Variants in FAF1 observed in about 807,000 individuals in gnomAD.
The protein encoded by FAF1 is FAS-associated factor 1.
Under a neutral mutation model 92.5 loss-of-function variants are expected in FAF1, and 25 were observed. The ratio of observed to expected loss-of-function variants is 0.27; its 90% CI spans 0.20 to 0.38. FAF1 has a LOEUF of 0.38. Ranked by LOEUF, FAF1 falls within the 10% of genes least tolerant of loss-of-function variation. The pLI is 1.00. For missense variants in FAF1, 636 were observed against 793.3 expected (o/e 0.80, Z 2.38); for synonymous variants, 234 against 273.2 (o/e 0.86, Z 1.42).
At position 50,583,701 on chromosome 1, in the gene FAF1, C is replaced by T. The variant is rs374685901; in HGVS notation, c.982G>A (p.Glu328Lys). Residue 328 changes from glutamate to lysine, a missense_variant, in exon 11 of 19, where the codon GAA (glutamate) becomes AAA (lysine). Glu to Lys is a moderately conservative substitution (Grantham distance 56, BLOSUM62 1). Around this residue, in one of 2 missense-constraint regions of FAF1, gnomAD observed 319 missense variants for 451.0 expected, o/e 0.71. Coordinates refer to ENST00000396153, the MANE Select transcript of FAF1 (RefSeq NM_007051.3). The surrounding 1 kb of genome is among the most constrained non-coding windows in gnomAD (Gnocchi z 4.2). ...RKSPMMPENA[E>K]NEGDALLQFT... ...TGTAATAAGGCATCTCCTTCATTTT[C>T]TGCGTTTTCTGGCACTAAAAAACAA... 1.4e-5 allele frequency: 22 copies of T among 1,570,186 alleles called. No homozygotes were observed. Among genetic ancestry groups the T allele is most frequent in the Non-Finnish European group, 1.6e-5 (19 of 1,154,688 alleles).
intron 2 of FAF1, among the ~76,000 whole-genome samples, chr1:50,835,570 C>CAAAA (rs573942977): frequency 3.1e-4 from 17 of 54,850 alleles, no homozygotes; most frequent in South Asian, 1.7e-3. Flanking sequence ...GACTCCATCT[C>CAAAA]AAAAAAAAAA....
At chr1:50,661,288 AT>A (rs1169112919) in intron 7 of FAF1, among the ~76,000 whole-genome samples, 1 of 152,168 alleles carries the variant, frequency 6.6e-6, no homozygotes, top group Non-Finnish European at 1.5e-5. Context: ...TGGTTATATG[AT>A]TTTGCCAGAA....
At chr1:50,758,581 A>G (rs977512220) in intron 4 of FAF1, among the ~76,000 whole-genome samples, 2 of 152,240 alleles carry the variant, frequency 1.3e-5, no homozygotes, top group African/African-American at 4.8e-5. Context: ...AAAAATGTGT[A>G]ACCAAATATT....
chr1:50,808,383 A>C (rs1021416028), intron 2 of FAF1, among the ~76,000 whole-genome samples: 2 of 152,182 alleles, frequency 1.3e-5, no homozygotes, highest in Non-Finnish European at 2.9e-5. Flanking sequence ...TAACAACAAG[A>C]TGACAGGATA....
At chr1:50,589,832 T>C (rs575994331) in intron 9 of FAF1, among the ~76,000 whole-genome samples, 1 of 152,342 alleles carries the variant, frequency 6.6e-6, no homozygotes, top group East Asian at 1.9e-4. Flanking sequence ...AGGTCTTTCA[T>C]ATATTTTGAG....
At chr1:50,499,261 A>C (rs899036200) in intron 15 of FAF1, among the ~76,000 whole-genome samples, 4 of 152,150 alleles carry the variant, frequency 2.6e-5, no homozygotes, top group African/African-American at 9.7e-5. Flanking sequence ...CTGCCAATTC[A>C]ATGGTGAATA....
At chr1:50,856,843 A>G (rs909000723) in intron 2 of FAF1, among the ~76,000 whole-genome samples, 5 of 151,826 alleles carry the variant, frequency 3.3e-5, no homozygotes, top group African/African-American at 1.2e-4. Flanking sequence ...ATTATGTTAC[A>G]GTGACACTAT....
intron 15 of FAF1, among the ~76,000 whole-genome samples, chr1:50,506,473 C>T (rs758071255): frequency 6.6e-5 from 10 of 152,312 alleles, no homozygotes; most frequent in Middle Eastern, 6.8e-3. Context: ...TCACATTCAT[C>T]TTTCAGGCCC....
intron 2 of FAF1, among the ~76,000 whole-genome samples, chr1:50,801,920 G>A (rs1326878187): frequency 6.6e-6 from 1 of 152,022 alleles, no homozygotes. Context: ...GAGTCATAAA[G>A]TCTAGTTCCA....
chr1:50,692,253 G>C (rs1254695924), intron 7 of FAF1, among the ~76,000 whole-genome samples: 5 of 144,190 alleles, frequency 3.5e-5, no homozygotes, highest in African/African-American at 1.3e-4. Context: ...GTGTGTGTGT[G>C]TGTGTGTGTG....
intron 8 of FAF1, among the ~76,000 whole-genome samples, chr1:50,636,542 G>C (rs1213311831): frequency 6.6e-6 from 1 of 151,950 alleles, no homozygotes; most frequent in Admixed American, 6.6e-5. Flanking sequence ...TTTTAGTAGA[G>C]AGGGGATTTC....
rs150339174 is a variant in FAF1, at chr1:50,887,108, A to G, written c.46-29111T>C. On this transcript the variant is annotated intron_variant, in intron 1 of 18. Coordinates refer to ENST00000396153, the MANE Select transcript of FAF1 (RefSeq NM_007051.3). ...GAGATGGTATCTGATTGTGGTTTTG[A>G]TTTGCATTTCTCTGATGGCCAGTGA... Among the ~76,000 whole-genome samples the G allele has an allele frequency of 5.1e-3, 772 of 152,172 alleles. 6 individuals are homozygous for G. Among genetic ancestry groups the G allele is most frequent in the Non-Finnish European group, 7.5e-3 (509 of 68,002 alleles).
At chr1:50,622,274 G>A (rs1406189825) in intron 8 of FAF1, among the ~76,000 whole-genome samples, 1 of 152,054 alleles carries the variant, frequency 6.6e-6, no homozygotes, top group Non-Finnish European at 1.5e-5. Flanking sequence ...GCAAGAGTGA[G>A]CTATCCCTCA....
chr1:50,594,975 C>T (rs868837475), intron 9 of FAF1, among the ~76,000 whole-genome samples: 3 of 151,796 alleles, frequency 2.0e-5, no homozygotes, highest in South Asian at 4.1e-4. Flanking sequence ...TGCCCCTTCT[C>T]TTTGTTTCTT....
intron 1 of FAF1, among the ~76,000 whole-genome samples, chr1:50,941,565 C>T (rs1206466581): frequency 6.6e-6 from 1 of 152,120 alleles, no homozygotes; most frequent in Non-Finnish European, 1.5e-5. Context: ...CACTATACTG[C>T]CCAGGCAATA....
intron 7 of FAF1, among the ~76,000 whole-genome samples, chr1:50,659,037 A>T (rs905453965): frequency 3.3e-5 from 5 of 152,244 alleles, no homozygotes; most frequent in Non-Finnish European, 7.3e-5. Context: ...AAAAATTGAA[A>T]TCATAATCCT....
intron 18 of FAF1, among the ~76,000 whole-genome samples, chr1:50,472,368 T>C (rs1406328230): frequency 1.0e-3 from 129 of 123,904 alleles, no homozygotes; most frequent in East Asian, 1.8e-3. Context: ...GGGGAAAACA[T>C]ACACACACAC....
At chr1:50,742,840 C>G (rs80299389) in intron 5 of FAF1, among the ~76,000 whole-genome samples, 14 of 152,200 alleles carry the variant, frequency 9.2e-5, no homozygotes, top group African/African-American at 3.4e-4. Flanking sequence ...CGGGGGATAG[C>G]AAACTATGGC....
intron 3 of FAF1, among the ~76,000 whole-genome samples, chr1:50,796,597 T>C (rs905202798): frequency 6.6e-6 from 1 of 152,134 alleles, no homozygotes; most frequent in African/African-American, 2.4e-5. Flanking sequence ...TGCTGCTTCT[T>C]GGCCTGGAAT....
Sources: gnomAD v4.1 joint callset for allele counts (sites outside exome capture counted in the v4.1 genomes callset) on GRCh38, gnomAD v4.1.1 for gene constraint, gnomAD v4.1.1 regional missense constraint, Gnocchi (gnomAD v3.1) non-coding constraint, MANE v1.5 for transcripts, NCBI Gene and HGNC (gene_info 2026-07-23, HGNC 2026-07-21) for gene names.